The following PTPRG variants were observed in gnomAD, a reference collection of about 807,000 sequenced individuals.
The protein encoded by PTPRG is protein tyrosine phosphatase receptor type G.
PTPRG carries 102 observed loss-of-function variants against 165.3 expected under a neutral mutation model. The observed-to-expected ratio is 0.62, with a 90% CI of 0.53 to 0.73. PTPRG has a LOEUF of 0.73. PTPRG is among the 30% of genes least tolerant of loss of function. The pLI is 0.00. For missense variants in PTPRG, 1,866 were observed against 1,861.4 expected (o/e 1.00, Z -0.05); for synonymous variants, 675 against 669.5 (o/e 1.01, Z -0.13).
chr3:62,133,999 A>G (rs1028207594), intron 6 of PTPRG, among the ~76,000 whole-genome samples: 2 of 152,000 alleles, frequency 1.3e-5, no homozygotes, highest in African/African-American at 2.4e-5. Flanking sequence ...AAAAAGATAT[A>G]TATTTCCATT....
At chr3:61,760,382 C>T (rs1347253102) in intron 2 of PTPRG, among the ~76,000 whole-genome samples, 1 of 152,098 alleles carries the variant, frequency 6.6e-6, no homozygotes, top group Admixed American at 6.6e-5. Context: ...TCTCGCTGCC[C>T]TGGAAACTCC....
At chr3:61,781,127 G>T (rs1239095719) in intron 2 of PTPRG, among the ~76,000 whole-genome samples, 2 of 152,220 alleles carry the variant, frequency 1.3e-5, no homozygotes, top group African/African-American at 4.8e-5. Flanking sequence ...GATAGCCTCA[G>T]TGATGGCCTC....
At chr3:61,762,828 C>G (rs915669236) in intron 2 of PTPRG, among the ~76,000 whole-genome samples, 1 of 152,032 alleles carries the variant, frequency 6.6e-6, no homozygotes, top group Non-Finnish European at 1.5e-5. Context: ...CTGGGCAGCA[C>G]CTTTGTACCC....
chr3:62,053,479 C>A (rs1362474899), intron 4 of PTPRG, among the ~76,000 whole-genome samples: 1 of 152,120 alleles, frequency 6.6e-6, no homozygotes, highest in East Asian at 1.9e-4. Context: ...GTTGGCCAGG[C>A]TGGTCTTCAT....
chr3:62,121,295 T>A (rs1239129250), intron 5 of PTPRG, among the ~76,000 whole-genome samples: 1 of 152,032 alleles, frequency 6.6e-6, no homozygotes, highest in Admixed American at 6.6e-5. Flanking sequence ...TTAGGAACTG[T>A]GCTAAATACT....
rs544279893 is a variant in PTPRG, at chr3:62,275,492, G to A, written c.3466-381G>A. On this transcript the variant is annotated intron_variant, in intron 23 of 29. Coordinates refer to ENST00000474889, the MANE Select transcript of PTPRG (RefSeq NM_002841.4). Reference sequence around the variant, plus strand: ...AGAAAGATACAATCAAGGTCACTGAGAGAAGTACCACTAGGAAAGCACAAG... The same window carrying A: ...AGAAAGATACAATCAAGGTCACTGAAAGAAGTACCACTAGGAAAGCACAAG... Among the ~76,000 whole-genome samples, 5 of 152,282 alleles carry A rather than the reference G, an allele frequency of 3.3e-5. No individual in the cohort carries two copies. The East Asian group carries it at 9.7e-4, about 29-fold the overall frequency.
intron 3 of PTPRG, among the ~76,000 whole-genome samples, chr3:61,994,161 C>T (rs959860915): frequency 6.6e-6 from 1 of 152,178 alleles, no homozygotes; most frequent in African/African-American, 2.4e-5. Context: ...AAAGGTAATG[C>T]ATTCATCAAG....
chr3:62,264,313 CA>C (rs573498193), intron 17 of PTPRG, among the ~76,000 whole-genome samples: 176 of 138,702 alleles, frequency 1.3e-3, no homozygotes, highest in Middle Eastern at 3.7e-3. Flanking sequence ...ACCTTGTCTC[CA>C]AAAAAAAAAA....
intron 2 of PTPRG, among the ~76,000 whole-genome samples, chr3:61,827,583 G>T (rs1254900336): frequency 6.6e-6 from 1 of 152,014 alleles, no homozygotes; most frequent in Non-Finnish European, 1.5e-5. Flanking sequence ...AATGCCCCTG[G>T]CTGTAGTCAT....
chr3:61,821,800 A>T (rs1165821748), intron 2 of PTPRG, among the ~76,000 whole-genome samples: 1 of 152,260 alleles, frequency 6.6e-6, no homozygotes, highest in Non-Finnish European at 1.5e-5. Flanking sequence ...ATGCATGCTA[A>T]GCGCTTTACT....
chr3:61,990,739 T>TA lies in PTPRG; in HGVS notation c.370+935_370+936insA, dbSNP rs564350671. Among the ~76,000 whole-genome samples the TA allele has an allele frequency of 5.3e-5, 8 of 152,272 alleles. No homozygotes were observed. In the South Asian group the frequency reaches 1.7e-3, roughly 32 times the overall value. On this transcript the variant is annotated intron_variant, in intron 3 of 29. Coordinates refer to ENST00000474889, the MANE Select transcript of PTPRG (RefSeq NM_002841.4). ...CATTAAAGCAAGTTTTTTTTTCTCT[T>TA]TCTCTTCTTAAAGTGAACCCTTTGT...
At chr3:62,059,999 C>T (rs141264502) in intron 4 of PTPRG, among the ~76,000 whole-genome samples, 1 of 152,198 alleles carries the variant, frequency 6.6e-6, no homozygotes, top group East Asian at 1.9e-4. Flanking sequence ...AATTACCAGT[C>T]TTGGATATGT....
intron 2 of PTPRG, among the ~76,000 whole-genome samples, chr3:61,875,489 G>A (rs185965275): frequency 1.3e-5 from 2 of 152,290 alleles, no homozygotes; most frequent in Admixed American, 1.3e-4. Context: ...GGGAAACTGG[G>A]AAGTGTTTCA....
chr3:62,149,863 C>T (rs912009616), intron 6 of PTPRG, among the ~76,000 whole-genome samples: 3 of 152,052 alleles, frequency 2.0e-5, no homozygotes, highest in Admixed American at 6.5e-5. Context: ...CTGATTTTTT[C>T]CCCCCCTCAA....
chr3:62,247,751 A>C (rs991640557), intron 15 of PTPRG, among the ~76,000 whole-genome samples: 3 of 152,188 alleles, frequency 2.0e-5, no homozygotes, highest in African/African-American at 7.2e-5. Flanking sequence ...GCTGTGGCTA[A>C]AATTCATAAA....
At position 61,950,560 on chromosome 3, in the gene PTPRG, G is replaced by GT. The variant is rs35166175; in HGVS notation, c.191-39056dup. On this transcript the variant is annotated intron_variant, in intron 2 of 29. Coordinates refer to ENST00000474889, the MANE Select transcript of PTPRG (RefSeq NM_002841.4). ...AGGAGCAGCAACCATGCCTTAAATG[G>GT]TTTTTTTTTAATACATTTTTTTAAA... Among the ~76,000 whole-genome samples, 305 of 151,584 alleles carry GT rather than the reference G, an allele frequency of 2.0e-3. 3 individuals carry two copies. Among genetic ancestry groups the GT allele is most frequent in the Admixed American group, 0.019 (282 of 15,194 alleles).
chr3:61,621,051 A>ATGTGTGTGTG (rs1173192341), intron 1 of PTPRG, among the ~76,000 whole-genome samples: 56 of 117,900 alleles, frequency 4.7e-4, no homozygotes, highest in South Asian at 1.5e-3. Flanking sequence ...ATATATATAT[A>ATGTGTGTGTG]TGTGTGTGTG....
At chr3:62,179,937 AAGTAGG>A (rs1300227768) in intron 8 of PTPRG, among the ~76,000 whole-genome samples, 1 of 152,228 alleles carries the variant, frequency 6.6e-6, no homozygotes, top group Non-Finnish European at 1.5e-5. Context: ...AGCAGAGAAC[AAGTAGG>A]AGTAGCAAGT....
intron 2 of PTPRG, among the ~76,000 whole-genome samples, chr3:61,857,993 A>G (rs114169274): frequency 0.044 from 6,702 of 152,234 alleles, 189 homozygotes; most frequent in Middle Eastern, 0.078. Context: ...GACAACAGGA[A>G]ATTTCTCCCA....
Sources: gnomAD v4.1 joint callset for allele counts (sites outside exome capture counted in the v4.1 genomes callset) on GRCh38, gnomAD v4.1.1 for gene constraint, MANE v1.5 for transcripts, NCBI Gene and HGNC (gene_info 2026-07-23, HGNC 2026-07-21) for gene names.